ENOX1: variants seen among roughly 807,000 people sequenced by gnomAD.
ENOX1 encodes candidate growth-related and time keeping constitutive hydroquinone (NADH) oxidase.
A neutral mutation model predicts 82.5 loss-of-function variants in ENOX1; 42 were observed. That is an observed-to-expected ratio of 0.51 (90% confidence interval 0.40 to 0.66). The LOEUF (loss-of-function observed/expected upper bound fraction) is 0.66. Ranked by LOEUF, ENOX1 falls within the 30% of genes least tolerant of loss-of-function variation. The probability of loss-of-function intolerance (pLI) is 0.00; values close to 1 mark genes in which losing one functional copy is unlikely to be tolerated. For missense variants in ENOX1, 608 were observed against 811.6 expected, an observed-to-expected ratio of 0.75 and a Z score of 3.05; for synonymous variants, 271 against 282.2, an observed-to-expected ratio of 0.96 and a Z score of 0.40.
intron 2 of ENOX1, among the ~76,000 whole-genome samples, chr13:43,533,670 C>A (rs2078327902): frequency 6.6e-6 from 1 of 152,098 alleles, no homozygotes; most frequent in Non-Finnish European, 1.5e-5. Context: ...AAAACATCTG[C>A]CCAGAGTTTG....
chr13:43,574,072 T>C (rs2080304677), intron 2 of ENOX1, among the ~76,000 whole-genome samples: 2 of 152,146 alleles, frequency 1.3e-5, no homozygotes, highest in African/African-American at 4.8e-5. Context: ...GGGATATGGA[T>C]GACTAGAACA....
intron 9 of ENOX1, among the ~76,000 whole-genome samples, chr13:43,327,370 G>A (rs576821971): frequency 2.0e-5 from 3 of 152,292 alleles, no homozygotes; most frequent in Admixed American, 2.0e-4. Flanking sequence ...GCTGCTTTCA[G>A]GCCTGGTGCT....
At chr13:43,725,477 T>G (rs2088878761) in intron 1 of ENOX1, among the ~76,000 whole-genome samples, 1 of 152,182 alleles carries the variant, frequency 6.6e-6, no homozygotes, top group South Asian at 2.1e-4. Context: ...GTTAAAACAG[T>G]ATCAGCCAAA....
intron 1 of ENOX1, among the ~76,000 whole-genome samples, chr13:43,741,145 C>A (rs1033891818): frequency 6.8e-6 from 1 of 148,020 alleles, no homozygotes; most frequent in African/African-American, 2.5e-5. Flanking sequence ...AGTGCAATGG[C>A]GTGATCTCAG....
intron 2 of ENOX1, among the ~76,000 whole-genome samples, chr13:43,533,964 CTG>C (rs2078341559): frequency 6.6e-6 from 1 of 152,124 alleles, no homozygotes; most frequent in African/African-American, 2.4e-5. Context: ...GGTTCTCAAA[CTG>C]TGAACATTGA....
At chr13:43,555,870 A>C (rs941497483) in intron 2 of ENOX1, among the ~76,000 whole-genome samples, 10 of 152,218 alleles carry the variant, frequency 6.6e-5, no homozygotes, top group African/African-American at 2.4e-5. Flanking sequence ...ATATGTATGA[A>C]TCTGCCCACT....
chr13:43,321,467 T>C (rs760225573), intron 11 of ENOX1, among the ~76,000 whole-genome samples: 1 of 152,196 alleles, frequency 6.6e-6, no homozygotes, highest in Non-Finnish European at 1.5e-5. Flanking sequence ...AAACAGAGCA[T>C]CCTGACCACT....
intron 3 of ENOX1, among the ~76,000 whole-genome samples, chr13:43,419,938 T>C (rs2054875656): frequency 6.6e-6 from 1 of 152,162 alleles, no homozygotes; most frequent in African/African-American, 2.4e-5. Context: ...GCCACTGCAC[T>C]ACAGCCTAGG....
At chr13:43,446,547 G>A (rs1051791370) in intron 3 of ENOX1, among the ~76,000 whole-genome samples, 4 of 151,900 alleles carry the variant, frequency 2.6e-5, no homozygotes, top group African/African-American at 4.8e-5. Flanking sequence ...TAACTCACCC[G>A]CTTGTTAACC....
At chr13:43,426,357 C>T (rs1032780719) in intron 3 of ENOX1, among the ~76,000 whole-genome samples, 2 of 152,128 alleles carry the variant, frequency 1.3e-5, no homozygotes, top group Admixed American at 6.6e-5. Flanking sequence ...AAAAAGAAAT[C>T]GTGCTGAATG....
intron 3 of ENOX1, among the ~76,000 whole-genome samples, chr13:43,445,281 G>A (rs912647356): frequency 1.5e-4 from 23 of 151,800 alleles, no homozygotes; most frequent in Non-Finnish European, 2.6e-4. Context: ...CCACCACCAC[G>A]CCTGGCTAAT....
chr13:43,606,439 A>G (rs887933783), intron 2 of ENOX1, among the ~76,000 whole-genome samples: 1 of 152,184 alleles, frequency 6.6e-6, no homozygotes, highest in Admixed American at 6.5e-5. Flanking sequence ...AATGGGGTAC[A>G]TCTACACAAG....
At chr13:43,270,497 ACTT>A (rs1593630119) in intron 12 of ENOX1, among the ~76,000 whole-genome samples, 1 of 152,276 alleles carries the variant, frequency 6.6e-6, no homozygotes, top group East Asian at 1.9e-4. Flanking sequence ...TAGCCAGGCT[ACTT>A]CTTCAGGGCC....
chr13:43,362,262 G>A (rs2050573799), intron 5 of ENOX1, among the ~76,000 whole-genome samples: 1 of 150,798 alleles, frequency 6.6e-6, no homozygotes, highest in African/African-American at 2.4e-5. Flanking sequence ...AATGAAGCAA[G>A]TGATTTCAAA....
chr13:43,555,275 G>A (rs1593794384), intron 2 of ENOX1, among the ~76,000 whole-genome samples: 2 of 152,316 alleles, frequency 1.3e-5, no homozygotes, highest in Non-Finnish European at 1.5e-5. Context: ...AGCATCAGCC[G>A]TATATGTGTC....
chr13:43,413,307 C>T (rs2054247738), intron 3 of ENOX1, among the ~76,000 whole-genome samples: 1 of 152,150 alleles, frequency 6.6e-6, no homozygotes, highest in South Asian at 2.1e-4. Context: ...TCAGTCCCTG[C>T]ACAGCCTTTT....
At chr13:43,779,411 G>A (rs1264897759) in intron 1 of ENOX1, among the ~76,000 whole-genome samples, 1 of 152,124 alleles carries the variant, frequency 6.6e-6, no homozygotes, top group Non-Finnish European at 1.5e-5. Flanking sequence ...TCATGTCACT[G>A]GCTGAGGTCT....
chr13:43,779,183 TAA>T (rs57388902), intron 1 of ENOX1, among the ~76,000 whole-genome samples: 82 of 118,024 alleles, frequency 6.9e-4, no homozygotes, highest in Admixed American at 8.7e-4. Context: ...CCTCGTTATT[TAA>T]AAAAAAAAAA....
intron 2 of ENOX1, among the ~76,000 whole-genome samples, chr13:43,571,404 C>T (rs545735056): frequency 5.3e-5 from 8 of 151,986 alleles, no homozygotes; most frequent in African/African-American, 1.7e-4. Context: ...GTAGGCCGGG[C>T]GCGGTGGCTT....
Sources: gnomAD v4.1 joint callset for allele counts (sites outside exome capture counted in the v4.1 genomes callset) on GRCh38, gnomAD v4.1.1 for gene constraint, MANE v1.5 for transcripts, NCBI Gene and HGNC (gene_info 2026-07-23, HGNC 2026-07-21) for gene names.